DOCK11: variants seen among roughly 807,000 people sequenced by gnomAD.
The protein encoded by DOCK11 is dedicator of cytokinesis protein 11.
DOCK11 carries 70 observed loss-of-function variants against 169.1 expected under a neutral mutation model. That is an observed-to-expected ratio of 0.41 (90% CI 0.34 to 0.51). The LOEUF is 0.51. DOCK11 is among the 20% of genes least tolerant of loss of function. The probability of loss-of-function intolerance (pLI) is 0.10; values close to 1 mark genes in which losing one functional copy is unlikely to be tolerated. For synonymous variants in DOCK11, 529 were observed against 541.3 expected (o/e 0.98, Z 0.32); for missense variants, 1,166 against 1,538.8 (o/e 0.76, Z 4.05).
intron 6 of DOCK11, among the ~76,000 whole-genome samples, chrX:118,547,427 G>A (rs2012325254): frequency 9.0e-6 from 1 of 111,719 alleles, no homozygotes; most frequent in African/African-American, 3.3e-5. Flanking sequence ...GATACTTCCT[G>A]TATATCGCTT....
chrX:118,600,454 G>A (rs1341359733), intron 23 of DOCK11, among the ~76,000 whole-genome samples: 3 of 108,775 alleles, frequency 2.8e-5, no homozygotes, highest in Admixed American at 9.9e-5. Context: ...GGCATCTGCC[G>A]GATAGTAATC....
intron 1 of DOCK11, among the ~76,000 whole-genome samples, chrX:118,500,554 A>G (rs2057569339): frequency 9.0e-6 from 1 of 111,538 alleles, no homozygotes; most frequent in Admixed American, 9.5e-5. Context: ...ATACATATCT[A>G]TACATACATA....
At chrX:118,679,708 G>A (rs893907592) in intron 48 of DOCK11, among the ~76,000 whole-genome samples, 1 of 110,926 alleles carries the variant, frequency 9.0e-6, no homozygotes, top group Admixed American at 9.6e-5. Flanking sequence ...CACTGCACTT[G>A]AGCCTGGGCA....
At chrX:118,626,504 C>T (rs2015108778) in intron 32 of DOCK11, among the ~76,000 whole-genome samples, 3 of 112,040 alleles carry the variant, frequency 2.7e-5, no homozygotes, top group Admixed American at 1.9e-4. Context: ...TGCCCCCATC[C>T]ATGTTCTGTA....
At chrX:118,675,557 A>T (rs2016588261) in intron 46 of DOCK11, among the ~76,000 whole-genome samples, 1 of 109,664 alleles carries the variant, frequency 9.1e-6, no homozygotes. Flanking sequence ...AGAGGGGAAC[A>T]ACTCACACAG....
intron 1 of DOCK11, among the ~76,000 whole-genome samples, chrX:118,540,051 C>CAAAAAAAAAAAAAAAAAAAAAA (rs58922946): frequency 2.4e-5 from 1 of 42,296 alleles, no homozygotes; most frequent in African/African-American, 9.6e-5. Context: ...AACTCCATCT[C>CAAAAAAAAAAAAAAAAAAAAAA]AAAAAAAAAA....
chrX:118,584,361 T>G (rs1335851494), intron 14 of DOCK11, among the ~76,000 whole-genome samples: 1 of 112,577 alleles, frequency 8.9e-6, no homozygotes, highest in African/African-American at 3.2e-5. Context: ...TCATCCATAT[T>G]GTTGTGTGAA....
intron 44 of DOCK11, among the ~76,000 whole-genome samples, chrX:118,660,202 TACA>T (rs947480650): frequency 4.5e-5 from 5 of 112,248 alleles, no homozygotes; most frequent in African/African-American, 1.6e-4. Flanking sequence ...ATCACATGTT[TACA>T]ACAAGATAAG....
chrX:118,533,062 G>T (rs944146639), intron 1 of DOCK11, among the ~76,000 whole-genome samples: 1 of 111,178 alleles, frequency 9.0e-6, no homozygotes, highest in African/African-American at 3.3e-5. Context: ...CATGGTCTCC[G>T]CTCACTGCAA....
chrX:118,634,494 C>G (rs1431637187), intron 35 of DOCK11, among the ~76,000 whole-genome samples: 1 of 112,338 alleles, frequency 8.9e-6, no homozygotes, highest in East Asian at 2.8e-4. Flanking sequence ...GGGTGCTCAC[C>G]GTTGGACGCA....
At chrX:118,517,390 A>G (rs1053393587) in intron 1 of DOCK11, among the ~76,000 whole-genome samples, 4 of 107,972 alleles carry the variant, frequency 3.7e-5, no homozygotes, top group Admixed American at 1.0e-4. Flanking sequence ...TTTAAAAAAA[A>G]AGAAAAATAA....
intron 1 of DOCK11, among the ~76,000 whole-genome samples, chrX:118,526,870 A>G (rs1354636878): frequency 8.9e-6 from 1 of 112,535 alleles, no homozygotes; most frequent in African/African-American, 3.2e-5. Context: ...CATTGATCCA[A>G]GCAATAATCC....
rs199963642 is a variant in DOCK11, at chrX:118,597,584, A to G, written c.2385+32A>G. 17 of 1,202,146 alleles carry G rather than the reference A, an allele frequency of 1.4e-5. No individual in the cohort carries two copies. In the African/African-American group the frequency reaches 2.8e-4, roughly 20 times the overall value. The stretch of plus-strand genomic sequence containing the variant: ...AAATACTGCATTTGTTGAAGTAATC[A>G]TGATTAAATGTGCAAAAAATAGAAT... On this transcript the variant is annotated intron_variant, in intron 21 of 52. Coordinates refer to ENST00000276202, the MANE Select transcript of DOCK11 (RefSeq NM_144658.4).
At chrX:118,515,854 CTGTT>C (rs1333668157) in intron 1 of DOCK11, among the ~76,000 whole-genome samples, 1 of 106,132 alleles carries the variant, frequency 9.4e-6, no homozygotes, top group Non-Finnish European at 1.9e-5. Flanking sequence ...CTTGGGCAGA[CTGTT>C]TGACTTTTGG....
At chrX:118,685,402 T>C (rs1013178927) in intron 52 of DOCK11, 1 of 223,127 alleles carries the variant, frequency 4.5e-6, no homozygotes, top group Admixed American at 6.7e-5. Flanking sequence ...TTAAAAAATA[T>C]TTTAAAGATT....
Position 118,543,554 on chromosome X carries a change from A to G in DOCK11, c.353A>G (p.Lys118Arg), listed in dbSNP as rs1204545018. Reference sequence around the variant, plus strand: ...ACAGATTGGCACGTGGTAAACTACAAGTATGAGGACTTCTCTGGGGACTTT... The same window carrying G: ...ACAGATTGGCACGTGGTAAACTACAGGTATGAGGACTTCTCTGGGGACTTT... ...YSTDWHVVNY[K>R]YEDFSGDFRM... The change falls in exon 4 of 53, where the codon AAG becomes AGG. Residue 118 changes from lysine to arginine, a missense_variant. Lys to Arg is a conservative substitution (Grantham distance 26). Transcript: ENST00000276202. 8.3e-7 allele frequency: 1 copy of G among 1,208,723 alleles called. No individual in the cohort carries two copies. The highest frequency in any genetic ancestry group is 1.1e-6 in the Non-Finnish European group (1 of 893,592).
chrX:118,619,495 A>ATATAT (rs1195435718), intron 31 of DOCK11, among the ~76,000 whole-genome samples: 4 of 97,100 alleles, frequency 4.1e-5, no homozygotes, highest in African/African-American at 1.5e-4. Context: ...AAAAAAAAAA[A>ATATAT]AAATATATAT....
chrX:118,533,792 T>TTTG (rs754313484), intron 1 of DOCK11, among the ~76,000 whole-genome samples: 3 of 112,301 alleles, frequency 2.7e-5, no homozygotes, highest in Non-Finnish European at 3.8e-5. Flanking sequence ...GAGATGTCTT[T>TTTG]TTGTTGTTGT....
intron 7 of DOCK11, among the ~76,000 whole-genome samples, chrX:118,562,344 CTT>C (rs2012939717): frequency 9.0e-6 from 1 of 111,224 alleles, no homozygotes; most frequent in East Asian, 2.8e-4. Context: ...TAAAGTGCCT[CTT>C]AACCTCTTAC....
Sources: gnomAD v4.1 joint callset for allele counts (sites outside exome capture counted in the v4.1 genomes callset) on GRCh38, gnomAD v4.1.1 for gene constraint, MANE v1.5 for transcripts, NCBI Gene and HGNC (gene_info 2026-07-23, HGNC 2026-07-21) for gene names.